The following EEIG2 variants were observed in gnomAD, a reference collection of about 807,000 sequenced individuals.
EEIG2 encodes the protein EEIG family member 2.
At chr1:108,629,708 A>G in the EEIG2 span, 2 of 1,413,296 alleles carry the variant, frequency 1.4e-6, no homozygotes, top group Non-Finnish European at 9.9e-7. Context: ...TTTTTTTAAA[A>G]AAATCATGAG....
the EEIG2 span, among the ~76,000 whole-genome samples, chr1:108,618,201 G>A: frequency 6.6e-6 from 1 of 152,202 alleles, no homozygotes. Flanking sequence ...AGGGACTGTT[G>A]CTAGAACAGC....
chr1:108,590,852 A>G, the EEIG2 span, among the ~76,000 whole-genome samples: 1 of 152,244 alleles, frequency 6.6e-6, no homozygotes, highest in Non-Finnish European at 1.5e-5. Context: ...AGAATAAGTA[A>G]TGCATTTTGC....
chr1:108,615,991 T>C, the EEIG2 span, among the ~76,000 whole-genome samples: 1 of 152,118 alleles, frequency 6.6e-6, no homozygotes, highest in African/African-American at 2.4e-5. Context: ...ACAGGATTAT[T>C]ACTGGTAAAT....
At chr1:108,607,463 A>G in the EEIG2 span, among the ~76,000 whole-genome samples, 2 of 152,178 alleles carry the variant, frequency 1.3e-5, no homozygotes, top group African/African-American at 4.8e-5. Flanking sequence ...CAATCTAACA[A>G]TGAGCTAGGG....
the EEIG2 span, among the ~76,000 whole-genome samples, chr1:108,576,435 A>G: frequency 1.6e-5 from 2 of 122,900 alleles, no homozygotes; most frequent in Non-Finnish European, 3.4e-5. Context: ...TCCCAATGCT[A>G]TCCCTCCCCC....
chr1:108,612,098 G>A, the EEIG2 span: 7 of 960,496 alleles, frequency 7.3e-6, no homozygotes, highest in African/African-American at 9.9e-5. Context: ...TCTAGGGTAT[G>A]GGTTGAATAT....
the EEIG2 span, chr1:108,612,403 C>T: frequency 4.5e-6 from 3 of 673,616 alleles, no homozygotes; most frequent in African/African-American, 1.8e-5. Context: ...ATATGATAAA[C>T]TGACCATACC....
the EEIG2 span, among the ~76,000 whole-genome samples, chr1:108,598,434 G>T: frequency 1.3e-5 from 2 of 150,774 alleles, no homozygotes; most frequent in African/African-American, 4.9e-5. Flanking sequence ...GAGTGTACAG[G>T]TTAGCAACTG....
the EEIG2 span, among the ~76,000 whole-genome samples, chr1:108,561,957 C>T: frequency 1.3e-5 from 2 of 152,202 alleles, no homozygotes; most frequent in Admixed American, 6.5e-5. Flanking sequence ...CACTTGTCTA[C>T]GGGGCTTCCT....
chr1:108,604,534 TC>T, the EEIG2 span, among the ~76,000 whole-genome samples: 1 of 152,264 alleles, frequency 6.6e-6, no homozygotes, highest in East Asian at 1.9e-4. Flanking sequence ...AAGGAATAGA[TC>T]CAGCAAACGA....
chr1:108,598,892 C>T, the EEIG2 span, among the ~76,000 whole-genome samples: 1 of 152,016 alleles, frequency 6.6e-6, no homozygotes, highest in Non-Finnish European at 1.5e-5. Flanking sequence ...CTTTGGGAGG[C>T]TGAGACAAGA....
At chr1:108,572,330 A>G in the EEIG2 span, among the ~76,000 whole-genome samples, 1 of 151,912 alleles carries the variant, frequency 6.6e-6, no homozygotes, top group Non-Finnish European at 1.5e-5. Flanking sequence ...CCATATACCC[A>G]CTGCTTCCCA....
At chr1:108,590,639 G>A in the EEIG2 span, among the ~76,000 whole-genome samples, 1 of 152,186 alleles carries the variant, frequency 6.6e-6, no homozygotes, top group South Asian at 2.1e-4. Context: ...TTGGCAGGGA[G>A]CAGAGGCAGG....
the EEIG2 span, among the ~76,000 whole-genome samples, chr1:108,631,423 T>C: frequency 1.1e-4 from 17 of 152,304 alleles, no homozygotes; most frequent in South Asian, 6.2e-4. Context: ...TACTGACTCT[T>C]TTTTACAGAT....
At chr1:108,579,487 A>G in the EEIG2 span, among the ~76,000 whole-genome samples, 1 of 146,816 alleles carries the variant, frequency 6.8e-6, no homozygotes, top group Admixed American at 6.9e-5. Context: ...ACACATTAAT[A>G]ATGGGAGACT....
chr1:108,574,475 G>A, the EEIG2 span, among the ~76,000 whole-genome samples: 4 of 152,222 alleles, frequency 2.6e-5, no homozygotes, highest in African/African-American at 9.6e-5. Context: ...GATGGGCCAG[G>A]CGTGGTGGCT....
the EEIG2 span, among the ~76,000 whole-genome samples, chr1:108,616,121 C>G: frequency 9.6e-6 from 1 of 103,928 alleles, no homozygotes; most frequent in Non-Finnish European, 1.8e-5. Flanking sequence ...TAACCCACTT[C>G]TTCTTTTTTT....
the EEIG2 span, among the ~76,000 whole-genome samples, chr1:108,630,032 G>A: frequency 3.3e-5 from 5 of 152,156 alleles, no homozygotes; most frequent in Non-Finnish European, 7.4e-5. Context: ...AAGCTGGAGT[G>A]CAGTGGTGCA....
chr1:108,594,573 T>G, the EEIG2 span, among the ~76,000 whole-genome samples: 1 of 152,210 alleles, frequency 6.6e-6, no homozygotes, highest in East Asian at 1.9e-4. Flanking sequence ...CCTCCCCATA[T>G]AGTTGCTTTG....
Sources: allele counts gnomAD v4.1 joint callset (sites outside exome capture counted in the v4.1 genomes callset), GRCh38; gene constraint gnomAD v4.1.1; transcripts MANE v1.5; gene names NCBI Gene and HGNC (gene_info 2026-07-23, HGNC 2026-07-21).